The following TSNARE1 variants were observed in gnomAD, a reference collection of about 807,000 sequenced individuals.
The protein encoded by TSNARE1 is t-SNARE domain-containing protein 1.
TSNARE1 carries 49 observed loss-of-function variants against 62.0 expected under a neutral mutation model. The observed-to-expected ratio is 0.79, with a 90% CI of 0.63 to 1.00. The LOEUF is 1.00. Ranked by LOEUF, TSNARE1 falls within the 50% of genes least tolerant of loss-of-function variation. The pLI is 0.00. For missense variants in TSNARE1, 755 were observed against 700.1 expected, an observed-to-expected ratio of 1.08 and a Z score of -0.88; for synonymous variants, 328 against 294.4, an observed-to-expected ratio of 1.11 and a Z score of -1.17.
chr8:142,268,794 G>C (rs1192204252), intron 12 of TSNARE1, among the ~76,000 whole-genome samples: 1 of 152,168 alleles, frequency 6.6e-6, no homozygotes, highest in Non-Finnish European at 1.5e-5. Context: ...GAGGCCTGCA[G>C]CCATCCTGGG....
chr8:142,230,098 C>T (rs1466913127), intron 12 of TSNARE1, among the ~76,000 whole-genome samples: 1 of 152,174 alleles, frequency 6.6e-6, no homozygotes, highest in Non-Finnish European at 1.5e-5. Context: ...ATTCTGGACC[C>T]ACCATCAAAG....
At chr8:142,308,978 A>T (rs1240518118) in intron 9 of TSNARE1, among the ~76,000 whole-genome samples, 1 of 152,216 alleles carries the variant, frequency 6.6e-6, no homozygotes, top group Non-Finnish European at 1.5e-5. Context: ...CATTTCTCTT[A>T]GTAATGTGGC....
At chr8:142,286,767 G>A (rs574858816) in intron 10 of TSNARE1, among the ~76,000 whole-genome samples, 16 of 152,274 alleles carry the variant, frequency 1.1e-4, no homozygotes, top group East Asian at 3.9e-4. Context: ...AGTTATAGAC[G>A]TGATCCCGTC....
chr8:142,213,393 C>T (rs1815670472), intron 13 of TSNARE1, among the ~76,000 whole-genome samples: 1 of 149,808 alleles, frequency 6.7e-6, no homozygotes, highest in South Asian at 2.1e-4. Context: ...GGGCAGATGG[C>T]AAGGGGGCAG....
chr8:142,269,816 T>C (rs1819365863), intron 12 of TSNARE1: 1 of 985,368 alleles, frequency 1.0e-6, no homozygotes, highest in South Asian at 4.7e-5. Context: ...AGGGGTAGCC[T>C]GGAGGGAGGC....
rs552625289 is a variant in TSNARE1 at position 142,301,517 on chromosome 8, C to T, written c.1132-873G>A. ...CCCATGCCAGCGGGCCTTCCTTCCC[C>T]TCCCGTCAGGAGCCCGGCCACAGTG... On this transcript the variant is annotated intron_variant, in intron 9 of 13. Transcript: ENST00000524325. Among the ~76,000 whole-genome samples the T allele has an allele frequency of 3.4e-5, 5 of 148,350 alleles. No individual in the cohort carries two copies. In the South Asian group the frequency reaches 6.6e-4, roughly 20 times the overall value.
chr8:142,396,963 G>A (rs1837934659), intron 1 of TSNARE1, among the ~76,000 whole-genome samples: 1 of 152,182 alleles, frequency 6.6e-6, no homozygotes, highest in African/African-American at 2.4e-5. Context: ...TGGCGAGGCA[G>A]CCCGAGGGTC....
intron 12 of TSNARE1, among the ~76,000 whole-genome samples, chr8:142,249,908 C>T (rs555312544): frequency 2.6e-5 from 4 of 152,350 alleles, no homozygotes; most frequent in South Asian, 2.1e-4. Flanking sequence ...CAATCACACC[C>T]GCAACCTGGG....
chr8:142,322,503 A>G (rs1338202877), intron 6 of TSNARE1, among the ~76,000 whole-genome samples: 1 of 152,264 alleles, frequency 6.6e-6, no homozygotes, highest in Non-Finnish European at 1.5e-5. Flanking sequence ...ATGTACATCT[A>G]TATAGAAAAT....
intron 11 of TSNARE1, chr8:142,275,070 T>A: frequency 1.0e-6 from 1 of 985,314 alleles, no homozygotes; most frequent in Non-Finnish European, 1.2e-6. Context: ...AACGGAGGCC[T>A]GGAGGTGGCC....
intron 10 of TSNARE1, among the ~76,000 whole-genome samples, chr8:142,292,848 A>T (rs564838839): frequency 6.6e-6 from 1 of 152,260 alleles, no homozygotes; most frequent in South Asian, 2.1e-4. Context: ...CGGGCAGAAC[A>T]CATTTCACCA....
Position 142,329,767 on chromosome 8 carries a change from C to T in TSNARE1, c.893+1134G>A, listed in dbSNP as rs1830747572. ...ACAGCAGCTCCCAGGCATCCTGCGT[C>T]CAAATTCCCTATCATGAGCCTACGT... is the stretch of plus-strand genomic sequence containing the variant. On this transcript the variant is annotated intron_variant, in intron 6 of 13. Transcript: ENST00000524325. 3.3e-5 allele frequency among the ~76,000 whole-genome samples: 5 copies of T among 152,164 alleles called. No individual in the cohort carries two copies. The South Asian group carries it at 1.0e-3, about 32-fold the overall frequency.
chr8:142,234,624 A>G (rs1196099873), intron 12 of TSNARE1, among the ~76,000 whole-genome samples: 2 of 152,204 alleles, frequency 1.3e-5, no homozygotes, highest in Non-Finnish European at 2.9e-5. Flanking sequence ...CTGCTGTGTG[A>G]CCAGGGCAGT....
At chr8:142,336,713 T>C (rs891863798) in intron 4 of TSNARE1, among the ~76,000 whole-genome samples, 6 of 152,192 alleles carry the variant, frequency 3.9e-5, no homozygotes, top group African/African-American at 1.4e-4. Context: ...AACAGGAGAA[T>C]ACACATTCCT....
chr8:142,348,025 G>A (rs182804760), intron 2 of TSNARE1, among the ~76,000 whole-genome samples: 28 of 152,348 alleles, frequency 1.8e-4, no homozygotes, highest in African/African-American at 6.7e-4. Flanking sequence ...CCTAGAACAT[G>A]GCAGGGACAG....
Position 142,274,821 on chromosome 8 carries a change from T to C in TSNARE1, c.1406A>G (p.Glu469Gly). The C allele has an allele frequency of 6.3e-7, 1 of 1,580,616 alleles. No individual in the cohort carries two copies. Among genetic ancestry groups the C allele is most frequent in the Non-Finnish European group, 8.6e-7 (1 of 1,164,176 alleles). Residue 469 changes from glutamate (E) to glycine (G), a missense_variant, in exon 12 of 14, where the codon GAG (glutamate) becomes GGG (glycine). Glu to Gly is a moderately conservative substitution (Grantham distance 98). Transcript: ENST00000524325. ...ASLEAASSHAEAARQLLAGAS... is the reference protein window; with the variant it reads ...ASLEAASSHAGAARQLLAGAS... Reference sequence around the variant, plus strand: ...TCCAGCCAGGAGCTGGCGGGCTGCCTCCGCATGCGAGGACGCAGCCTCAAG... The same window carrying C: ...TCCAGCCAGGAGCTGGCGGGCTGCCCCCGCATGCGAGGACGCAGCCTCAAG...
At chr8:142,262,368 T>A (rs1818940047) in intron 12 of TSNARE1, among the ~76,000 whole-genome samples, 1 of 152,188 alleles carries the variant, frequency 6.6e-6, no homozygotes, top group South Asian at 2.1e-4. Flanking sequence ...TAGAATTTTT[T>A]ATGTATTGTA....
intron 10 of TSNARE1, among the ~76,000 whole-genome samples, chr8:142,297,761 G>A (rs1251772753): frequency 2.0e-5 from 3 of 152,220 alleles, no homozygotes; most frequent in African/African-American, 7.2e-5. Flanking sequence ...TACTGTCACC[G>A]GGACCTGCTG....
intron 10 of TSNARE1, among the ~76,000 whole-genome samples, chr8:142,287,882 C>A (rs1404663542): frequency 6.6e-6 from 1 of 152,016 alleles, no homozygotes; most frequent in Non-Finnish European, 1.5e-5. Flanking sequence ...GGACCTCGGC[C>A]AGATCTCAGG....
Sources: gnomAD v4.1 joint callset for allele counts (sites outside exome capture counted in the v4.1 genomes callset) on GRCh38, gnomAD v4.1.1 for gene constraint, MANE v1.5 for transcripts, NCBI Gene and HGNC (gene_info 2026-07-23, HGNC 2026-07-21) for gene names.